The following PDE4D variants were observed in gnomAD, a reference collection of about 807,000 sequenced individuals.
PDE4D encodes the protein 3',5'-cyclic-AMP phosphodiesterase 4D.
In PDE4D, 24 loss-of-function variants were observed where a neutral mutation model predicts 87.4. That is an observed-to-expected ratio of 0.27 (90% confidence interval 0.20 to 0.39). PDE4D has a LOEUF of 0.39. PDE4D is among the 10% of genes least tolerant of loss of function. PDE4D has a pLI of 1.00. For synonymous variants in PDE4D, 384 were observed against 383.2 expected (o/e 1.00, Z -0.02); for missense variants, 714 against 1,041.0 (o/e 0.69, Z 4.32).
At chr5:60,209,187 CTTTTTTTTTTTTT>C (rs58524375) in intron 1 of PDE4D, among the ~76,000 whole-genome samples, 1 of 108,498 alleles carries the variant, frequency 9.2e-6, no homozygotes, top group African/African-American at 3.5e-5. Flanking sequence ...TTCTTTTTTT[CTTTTTTTTTTTTT>C]TTTTTTTTTA....
At chr5:59,755,023 T>C (rs879658303) in intron 1 of PDE4D, among the ~76,000 whole-genome samples, 4 of 152,020 alleles carry the variant, frequency 2.6e-5, no homozygotes, top group African/African-American at 7.2e-5. Flanking sequence ...GTGGTTCAGG[T>C]TGGTATATTA....
Position 59,893,669 on chromosome 5 carries a change from G to T in PDE4D, c.-47C>A, listed in dbSNP as rs375572617. Reference sequence around the variant, plus strand: ...CTGCTGCCCAGCCCGGGTTCACCGCGCTGGCCCGAGCGCCTTCCTGATGCT... The same window carrying T: ...CTGCTGCCCAGCCCGGGTTCACCGCTCTGGCCCGAGCGCCTTCCTGATGCT... On this transcript the variant is annotated 5_prime_UTR_variant, in exon 1 of 15. Coordinates refer to ENST00000340635, the MANE Select transcript of PDE4D (RefSeq NM_001104631.2). 7.1e-7 allele frequency: 1 copy of T among 1,411,302 alleles called. No homozygotes were observed. Among genetic ancestry groups the T allele is most frequent in the Non-Finnish European group, 9.1e-7 (1 of 1,093,956 alleles). The allele number at this position is 1,411,302 out of a possible 1,614,324, so 87.4% of individuals were successfully genotyped here.
At chr5:59,987,681 T>C (rs577825751) in intron 3 of PDE4D, 6 of 152,210 alleles carry the variant, frequency 3.9e-5, no homozygotes, top group Non-Finnish European at 8.8e-5. Flanking sequence ...CAAGAGTCTA[T>C]CTATGTATGG....
At chr5:60,295,550 G>A (rs1353276617) in intron 1 of PDE4D, among the ~76,000 whole-genome samples, 1 of 152,102 alleles carries the variant, frequency 6.6e-6, no homozygotes, top group Non-Finnish European at 1.5e-5. Flanking sequence ...GTGCTGTCCC[G>A]TGCACTGCAG....
intron 1 of PDE4D, among the ~76,000 whole-genome samples, chr5:59,537,190 G>A (rs1230391868): frequency 6.6e-6 from 1 of 152,204 alleles, no homozygotes; most frequent in South Asian, 2.1e-4. Context: ...CACAGGAAAA[G>A]AAGATGAGAT....
intron 1 of PDE4D, among the ~76,000 whole-genome samples, chr5:60,373,273 T>C (rs1007714867): frequency 1.3e-5 from 2 of 152,190 alleles, no homozygotes; most frequent in African/African-American, 4.8e-5. Flanking sequence ...AAAAACTAGA[T>C]CTAGCAAAAG....
At chr5:59,046,440 G>GTGTT (rs1760714195) in intron 5 of PDE4D, among the ~76,000 whole-genome samples, 1 of 151,366 alleles carries the variant, frequency 6.6e-6, no homozygotes, top group Non-Finnish European at 1.5e-5. Context: ...GTGTGTGTGT[G>GTGTT]TGTATGTGTG....
At chr5:59,390,144 T>C (rs1787947167) in intron 1 of PDE4D, among the ~76,000 whole-genome samples, 1 of 152,056 alleles carries the variant, frequency 6.6e-6, no homozygotes, top group African/African-American at 2.4e-5. Context: ...TACAAATATT[T>C]ACAGTAAAAA....
chr5:59,219,321 T>A (rs1036451775), intron 1 of PDE4D, among the ~76,000 whole-genome samples: 3 of 152,188 alleles, frequency 2.0e-5, no homozygotes, highest in Admixed American at 6.5e-5. Flanking sequence ...GGGGTTTCAC[T>A]CTAAATTTTG....
chr5:59,479,782 T>G (rs1002979773), intron 1 of PDE4D, among the ~76,000 whole-genome samples: 1 of 152,150 alleles, frequency 6.6e-6, no homozygotes, highest in East Asian at 1.9e-4. Context: ...TGATTCCAGC[T>G]GCTTGTCCTT....
At chr5:59,689,284 C>A (rs2150395853) in intron 1 of PDE4D, among the ~76,000 whole-genome samples, 1 of 152,270 alleles carries the variant, frequency 6.6e-6, no homozygotes, top group African/African-American at 2.4e-5. Flanking sequence ...GAATTTTAGA[C>A]CAATATCCCT....
At chr5:59,962,184 G>GT (rs1399852794) in intron 3 of PDE4D, among the ~76,000 whole-genome samples, 1 of 152,078 alleles carries the variant, frequency 6.6e-6, no homozygotes, top group African/African-American at 2.4e-5. Context: ...ACAGTACATT[G>GT]TAACAATTTT....
intron 1 of PDE4D, among the ~76,000 whole-genome samples, chr5:59,873,328 T>C (rs992759292): frequency 1.3e-5 from 2 of 152,226 alleles, no homozygotes; most frequent in Non-Finnish European, 2.9e-5. Context: ...TCACATGGAA[T>C]CAGCCTTTTT....
Position 59,735,513 on chromosome 5 carries a change from C to A in PDE4D, c.455+157655G>T, listed in dbSNP as rs963021318. 8.6e-5 allele frequency among the ~76,000 whole-genome samples: 13 copies of A among 152,046 alleles called. 1 individual carries two copies. In the East Asian group the frequency reaches 2.5e-3, roughly 29 times the overall value. On this transcript the variant is annotated intron_variant, in intron 1 of 14. Coordinates refer to ENST00000340635, the MANE Select transcript of PDE4D (RefSeq NM_001104631.2). The stretch of plus-strand genomic sequence containing the variant: ...ATATCAAACTCTGAAATTAAACAAG[C>A]TTTACAAAATAAGAAAGTGAGAATG...
At chr5:59,789,954 A>G (rs1179038935) in intron 1 of PDE4D, among the ~76,000 whole-genome samples, 1 of 152,230 alleles carries the variant, frequency 6.6e-6, no homozygotes, top group Non-Finnish European at 1.5e-5. Flanking sequence ...GGAAGTTGAA[A>G]AGCAGGAAGA....
intron 1 of PDE4D, among the ~76,000 whole-genome samples, chr5:60,315,591 G>T (rs1755498126): frequency 6.6e-6 from 1 of 152,156 alleles, no homozygotes; most frequent in Admixed American, 6.5e-5. Flanking sequence ...TATTGCCTAG[G>T]TTTTCTTCTG....
At chr5:60,361,998 G>C (rs1583527002) in intron 1 of PDE4D, among the ~76,000 whole-genome samples, 1 of 152,306 alleles carries the variant, frequency 6.6e-6, no homozygotes, top group African/African-American at 2.4e-5. Flanking sequence ...CTATGTCCTT[G>C]TCTCCCCCTA....
intron 1 of PDE4D, among the ~76,000 whole-genome samples, chr5:59,759,289 A>C (rs1289293006): frequency 6.6e-6 from 1 of 152,132 alleles, no homozygotes; most frequent in African/African-American, 2.4e-5. Flanking sequence ...TTTAAGATTC[A>C]AGTTTTTATT....
At chr5:59,419,119 T>C (rs753514159) in intron 1 of PDE4D, among the ~76,000 whole-genome samples, 37 of 152,338 alleles carry the variant, frequency 2.4e-4, no homozygotes, top group Middle Eastern at 3.4e-3. Flanking sequence ...CACCCTCTTT[T>C]TAGGCACTGC....
Sources: gnomAD v4.1 joint callset for allele counts (sites outside exome capture counted in the v4.1 genomes callset) on GRCh38, gnomAD v4.1.1 for gene constraint, MANE v1.5 for transcripts, NCBI Gene and HGNC (gene_info 2026-07-23, HGNC 2026-07-21) for gene names.